The following DLC1 variants were observed in gnomAD, a reference collection of about 807,000 sequenced individuals.
DLC1 encodes DLC1 Rho GTPase activating protein, also known as rho GTPase-activating protein 7.
In DLC1, 54 loss-of-function variants were observed where a neutral mutation model predicts 140.3. The ratio of observed to expected loss-of-function variants is 0.38; its 90% CI spans 0.31 to 0.48. The LOEUF (loss-of-function observed/expected upper bound fraction) is 0.48, where lower values mean the gene tolerates loss of function less well. DLC1 is among the 20% of genes least tolerant of loss of function. The pLI is 0.96. For missense variants in DLC1, 2,536 were observed against 1,907.0 expected, an observed-to-expected ratio of 1.33 and a Z score of -6.14; for synonymous variants, 986 against 728.1, an observed-to-expected ratio of 1.35 and a Z score of -5.70.
intron 1 of DLC1, among the ~76,000 whole-genome samples, chr8:13,527,229 G>A (rs1372404912): frequency 2.6e-5 from 4 of 152,202 alleles, no homozygotes. Flanking sequence ...GACCCAAAAT[G>A]TAGATGATGT....
chr8:13,385,737 C>A, intron 4 of DLC1, among the ~76,000 whole-genome samples: 1 of 152,168 alleles, frequency 6.6e-6, no homozygotes. Flanking sequence ...GTCAAGAAGG[C>A]CCTCTGTGTA....
rs1210583504 is a variant in DLC1, at chr8:13,266,833, TTTAGAAGGCCTGATAATAACA to T, written c.1348+38415_1348+38435del. Among the ~76,000 whole-genome samples the T allele has an allele frequency of 4.4e-4, 67 of 152,286 alleles. 1 individual carries two copies. The East Asian group carries it at 0.011, about 25-fold the overall frequency. On this transcript the variant is annotated intron_variant, in intron 5 of 17. Coordinates refer to ENST00000276297, the MANE Select transcript of DLC1 (RefSeq NM_182643.3). ...AAAACTGTTAGAAACTGAAATAAAA[TTTAGAAGGCCTGATAATAACA>T]TTAGAAGGCCTGATAACTAATGCCC...
intron 2 of DLC1, among the ~76,000 whole-genome samples, chr8:13,460,796 G>T (rs924234032): frequency 6.6e-6 from 1 of 152,234 alleles, no homozygotes; most frequent in African/African-American, 2.4e-5. Context: ...CTTAGGAATC[G>T]CAGTGCATGC....
intron 2 of DLC1, among the ~76,000 whole-genome samples, chr8:13,453,504 A>ATATATACATATATATATATG (rs1799235579): frequency 3.3e-5 from 1 of 30,140 alleles, no homozygotes; most frequent in Non-Finnish European, 5.6e-5. Context: ...ATATATATGT[A>ATATATACATATATATATATG]TATATATATA....
intron 2 of DLC1, among the ~76,000 whole-genome samples, chr8:13,446,417 C>G (rs1427719679): frequency 6.6e-6 from 1 of 152,158 alleles, no homozygotes; most frequent in African/African-American, 2.4e-5. Context: ...GTTCCACAGA[C>G]CTTTCTCACT....
intron 5 of DLC1, among the ~76,000 whole-genome samples, chr8:13,280,823 T>C (rs1490531995): frequency 6.6e-6 from 1 of 152,220 alleles, no homozygotes; most frequent in African/African-American, 2.4e-5. Flanking sequence ...ATGAAAAGCT[T>C]ATTAAGAGTT....
chr8:13,186,813 G>A (rs1342311387), intron 5 of DLC1, among the ~76,000 whole-genome samples: 1 of 152,156 alleles, frequency 6.6e-6, no homozygotes, highest in African/African-American at 2.4e-5. Flanking sequence ...CTTTGATGTT[G>A]GTGACGTACA....
At chr8:13,274,166 G>T (rs150373554) in intron 5 of DLC1, among the ~76,000 whole-genome samples, 17 of 152,160 alleles carry the variant, frequency 1.1e-4, no homozygotes, top group Admixed American at 1.1e-3. Context: ...TGAGTGGAAG[G>T]GTTGAGTGCA....
chr8:13,525,669 AAATTGGTTTGTTGGTTTCCTT>A lies in DLC1; in HGVS notation c.-125-25494_-125-25474del, dbSNP rs1343541662. Among the ~76,000 whole-genome samples the A allele has an allele frequency of 5.3e-5, 8 of 152,216 alleles. No individual in the cohort carries two copies. In the East Asian group the frequency reaches 5.8e-4, roughly 11 times the overall value. On this transcript the variant is annotated intron_variant, in intron 1 of 1. Transcript: ENST00000631382. ...CTTCATGTGTTTTGTCCATTTTCCA[AAATTGGTTTGTTGGTTTCCTT>A]ATGGGAGACCATATATTCTGCATAT... is the stretch of plus-strand genomic sequence containing the variant.
intron 5 of DLC1, among the ~76,000 whole-genome samples, chr8:13,226,074 G>C (rs908001180): frequency 6.6e-6 from 1 of 151,942 alleles, no homozygotes; most frequent in African/African-American, 2.4e-5. Context: ...CGCCACACTT[G>C]GCTACTTTTT....
chr8:13,210,008 C>T (rs1271263752), intron 5 of DLC1, among the ~76,000 whole-genome samples: 2 of 152,024 alleles, frequency 1.3e-5, no homozygotes, highest in East Asian at 3.9e-4. Context: ...CAGTTATGAC[C>T]TTTGAAATAT....
intron 4 of DLC1, among the ~76,000 whole-genome samples, chr8:13,325,966 A>T (rs1833328141): frequency 6.6e-6 from 1 of 152,184 alleles, no homozygotes; most frequent in African/African-American, 2.4e-5. Flanking sequence ...ATGACACTTG[A>T]TATTGGCATT....
At chr8:13,435,304 G>A (rs1446901805) in intron 2 of DLC1, among the ~76,000 whole-genome samples, 4 of 152,066 alleles carry the variant, frequency 2.6e-5, no homozygotes, top group Admixed American at 2.0e-4. Flanking sequence ...CTGAATGGAT[G>A]AGGAGTTGTT....
At chr8:13,230,083 T>A (rs1003589069) in intron 5 of DLC1, among the ~76,000 whole-genome samples, 10 of 152,228 alleles carry the variant, frequency 6.6e-5, no homozygotes, top group African/African-American at 2.4e-4. Context: ...CTCTTCCTAA[T>A]GAGCCTTTGC....
At chr8:13,576,504 C>T (rs1022502413) in intron 1 of DLC1, among the ~76,000 whole-genome samples, 5 of 152,174 alleles carry the variant, frequency 3.3e-5, no homozygotes, top group Admixed American at 6.6e-5. Context: ...AATATGTTGC[C>T]TCCAGATCCT....
intron 5 of DLC1, among the ~76,000 whole-genome samples, chr8:13,117,825 G>A (rs1585676209): frequency 6.6e-6 from 1 of 152,196 alleles, no homozygotes; most frequent in African/African-American, 2.4e-5. Flanking sequence ...TCCTGCCAGA[G>A]CATGCTCCTG....
At chr8:13,448,648 C>G (rs530560469) in intron 2 of DLC1, among the ~76,000 whole-genome samples, 9 of 152,150 alleles carry the variant, frequency 5.9e-5, no homozygotes, top group East Asian at 1.9e-4. Flanking sequence ...CGTGAGCCAC[C>G]GCACCCAGCC....
chr8:13,142,281 C>G (rs1030082399), intron 5 of DLC1, among the ~76,000 whole-genome samples: 4 of 152,148 alleles, frequency 2.6e-5, no homozygotes, highest in Non-Finnish European at 4.4e-5. Flanking sequence ...ATACAACTTA[C>G]TAGTTGTGAA....
At chr8:13,402,383 A>G (rs1837336068) in intron 2 of DLC1, among the ~76,000 whole-genome samples, 1 of 152,222 alleles carries the variant, frequency 6.6e-6, no homozygotes, top group African/African-American at 2.4e-5. Context: ...GTTTAAGTCA[A>G]GTCAATTAGT....
Sources: gnomAD v4.1 joint callset for allele counts (sites outside exome capture counted in the v4.1 genomes callset) on GRCh38, gnomAD v4.1.1 for gene constraint, MANE v1.5 for transcripts, NCBI Gene and HGNC (gene_info 2026-07-23, HGNC 2026-07-21) for gene names.